The following CLIP1 variants were observed in gnomAD, a reference collection of about 807,000 sequenced individuals.
CLIP1 encodes CAP-Gly domain containing linker protein 1, also known as CAP-Gly domain-containing linker protein 1.
CLIP1 carries 66 observed loss-of-function variants against 161.6 expected under a neutral mutation model. The observed-to-expected ratio is 0.41, with a 90% confidence interval of 0.33 to 0.50. CLIP1 has a LOEUF of 0.50. Ranked by LOEUF, CLIP1 falls within the 20% of genes least tolerant of loss-of-function variation. The pLI is 0.27. For synonymous variants in CLIP1, 598 were observed against 626.2 expected, an observed-to-expected ratio of 0.96 and a Z score of 0.67; for missense variants, 1,376 against 1,702.0, an observed-to-expected ratio of 0.81 and a Z score of 3.37.
intron 5 of CLIP1, among the ~76,000 whole-genome samples, chr12:122,356,622 C>T (rs1363205369): frequency 6.6e-6 from 1 of 151,764 alleles, no homozygotes; most frequent in Admixed American, 6.6e-5. Flanking sequence ...CCCTCTCCCT[C>T]TCTCCCTCTC....
At position 122,347,369 on chromosome 12, in the gene CLIP1, C is replaced by T; in HGVS notation, c.1506+6G>A. 6.3e-7 allele frequency: 1 copy of T among 1,593,470 alleles called. No homozygotes were observed. The highest frequency in any genetic ancestry group is 1.7e-5 in the Admixed American group (1 of 59,936). ...GTCTGCTTCATTAAATAGTGAAAAC[C>T]ATTACCCTAGTGTCTTCTAACTCCC... On this transcript the variant is annotated splice_donor_region_variant and intron_variant, in intron 10 of 25. Transcript: ENST00000620786.
intron 8 of CLIP1, among the ~76,000 whole-genome samples, chr12:122,352,121 G>A (rs868807133): frequency 1.8e-4 from 26 of 147,706 alleles, no homozygotes; most frequent in South Asian, 4.3e-4. Context: ...GCAGTGGCAC[G>A]ATCTCGGCTC....
intron 5 of CLIP1, chr12:122,356,126 A>T (rs1470424687): frequency 1.3e-5 from 2 of 151,978 alleles, no homozygotes; most frequent in Non-Finnish European, 2.9e-5. Flanking sequence ...CCAGGAAGAA[A>T]CTCCTGTTGT....
intron 20 of CLIP1, among the ~76,000 whole-genome samples, chr12:122,294,595 T>G (rs1950398997): frequency 6.6e-6 from 1 of 151,794 alleles, no homozygotes; most frequent in South Asian, 2.1e-4. Flanking sequence ...AGACCTTGTC[T>G]CTATAAAAAG....
intron 20 of CLIP1, among the ~76,000 whole-genome samples, chr12:122,309,192 T>C (rs1950979164): frequency 6.6e-6 from 1 of 152,184 alleles, no homozygotes; most frequent in African/African-American, 2.4e-5. Flanking sequence ...AGTAAATAGG[T>C]TGTGGTTTGC....
intron 18 of CLIP1, among the ~76,000 whole-genome samples, chr12:122,318,941 G>A (rs1414771072): frequency 6.6e-6 from 1 of 152,158 alleles, no homozygotes; most frequent in African/African-American, 2.4e-5. Context: ...TGTGATGTAA[G>A]ATCAAGGATA....
At chr12:122,392,748 C>T (rs1427363922) in intron 1 of CLIP1, among the ~76,000 whole-genome samples, 1 of 152,090 alleles carries the variant, frequency 6.6e-6, no homozygotes, top group East Asian at 1.9e-4. Context: ...TCTATTCTCC[C>T]TAATAAGAAT....
At chr12:122,363,574 G>A (rs1953984440) in intron 4 of CLIP1, among the ~76,000 whole-genome samples, 1 of 151,776 alleles carries the variant, frequency 6.6e-6, no homozygotes, top group Admixed American at 6.6e-5. Flanking sequence ...GCCGCAGGAT[G>A]GAATTCTCAT....
chr12:122,385,202 G>T (rs180982969), intron 1 of CLIP1, among the ~76,000 whole-genome samples: 18 of 152,160 alleles, frequency 1.2e-4, no homozygotes, highest in Non-Finnish European at 1.3e-4. Context: ...AAGTGTTGGG[G>T]TTACAGGCGT....
At chr12:122,281,862 A>C (rs572698985) in intron 21 of CLIP1, among the ~76,000 whole-genome samples, 33 of 152,328 alleles carry the variant, frequency 2.2e-4, no homozygotes, top group Admixed American at 7.2e-4. Context: ...ACTAAAAAAA[A>C]CCAGGATTTT....
chr12:122,320,756 C>T (rs1951467137), intron 17 of CLIP1, among the ~76,000 whole-genome samples: 1 of 151,188 alleles, frequency 6.6e-6, no homozygotes, highest in Admixed American at 6.6e-5. Flanking sequence ...TGTCACCAGG[C>T]TGGAGCGCAG....
chr12:122,329,251 G>A (rs925959124), intron 15 of CLIP1, among the ~76,000 whole-genome samples: 3 of 151,910 alleles, frequency 2.0e-5, no homozygotes, highest in African/African-American at 4.8e-5. Context: ...TGCTTGAGTC[G>A]GGTAGACAGA....
intron 19 of CLIP1, among the ~76,000 whole-genome samples, chr12:122,314,067 C>T (rs1001137679): frequency 2.6e-5 from 4 of 151,884 alleles, no homozygotes; most frequent in African/African-American, 9.7e-5. Context: ...CTGAGGCAGG[C>T]GGATCACAAG....
chr12:122,358,799 G>A (rs940231913), intron 5 of CLIP1, among the ~76,000 whole-genome samples: 1 of 151,388 alleles, frequency 6.6e-6, no homozygotes, highest in Non-Finnish European at 1.5e-5. Context: ...CACGCCTCAT[G>A]CCTGTAATCC....
At chr12:122,363,435 G>A (rs1490269841) in intron 4 of CLIP1, among the ~76,000 whole-genome samples, 6 of 151,388 alleles carry the variant, frequency 4.0e-5, no homozygotes, top group Non-Finnish European at 8.8e-5. Flanking sequence ...GAGGTTGCAT[G>A]CACTGAGCCG....
Position 122,355,435 on chromosome 12 carries a change from GCC to G in CLIP1, c.1006-125_1006-124del. The G allele has an allele frequency of 2.6e-6, 2 of 783,338 alleles. No individual in the cohort carries two copies. Among genetic ancestry groups the G allele is most frequent in the Non-Finnish European group, 4.2e-6 (2 of 481,572 alleles). The allele number at this position is 783,338 out of a possible 1,614,324, so 48.5% of individuals were successfully genotyped here. ...GGGCGCTGCTCCAGCTGGCAGGCTGGCCAGGATTAGGAAAGGCTTCCTCAAAA... is the reference window on the plus strand; with the variant it reads ...GGGCGCTGCTCCAGCTGGCAGGCTGGAGGATTAGGAAAGGCTTCCTCAAAA... On this transcript the variant is annotated intron_variant, in intron 5 of 25. Coordinates refer to ENST00000620786, the MANE Select transcript of CLIP1 (RefSeq NM_001247997.2). The surrounding 1 kb of genome is among the most constrained non-coding windows in gnomAD (Gnocchi z 4.1).
Position 122,279,310 on chromosome 12 carries a change from T to C in CLIP1, c.3648-165A>G. The stretch of plus-strand genomic sequence containing the variant: ...GCCATTATGCTCACAAAATTTTACT[T>C]GAAATTTTACTTACTGTGAGGGGAG... On this transcript the variant is annotated intron_variant, in intron 21 of 25. Transcript: ENST00000620786. The surrounding 1 kb of genome is among the most constrained non-coding windows in gnomAD (Gnocchi z 4.5). The C allele has an allele frequency of 2.2e-6, 1 of 448,862 alleles. No homozygotes were observed. The highest frequency in any genetic ancestry group is 3.9e-6 in the Non-Finnish European group (1 of 259,130). 27.8% of individuals were successfully genotyped at this position (448,862 alleles called of 1,614,324 possible). A position where few individuals can be genotyped will look rare whatever the true frequency, so the allele number is the denominator to read the frequency against.
At chr12:122,395,076 CCTAGT>C (rs1193253623) in intron 1 of CLIP1, among the ~76,000 whole-genome samples, 14 of 152,220 alleles carry the variant, frequency 9.2e-5, no homozygotes, top group African/African-American at 3.4e-4. Context: ...CCACTGATAA[CCTAGT>C]CTAATCATTT....
intron 1 of CLIP1, among the ~76,000 whole-genome samples, chr12:122,390,184 TATATATATATATA>T (rs1262808410): frequency 7.4e-6 from 1 of 135,466 alleles, no homozygotes; most frequent in African/African-American, 2.7e-5. Flanking sequence ...TATATATATA[TATATATATATATA>T]ATATATATAT....
Sources: gnomAD v4.1 joint callset for allele counts (sites outside exome capture counted in the v4.1 genomes callset) on GRCh38, gnomAD v4.1.1 for gene constraint, Gnocchi (gnomAD v3.1) non-coding constraint, MANE v1.5 for transcripts, NCBI Gene and HGNC (gene_info 2026-07-23, HGNC 2026-07-21) for gene names.